The following TMEM132E variants were observed in gnomAD, a reference collection of about 807,000 sequenced individuals.
TMEM132E encodes the protein transmembrane protein 132E.
Under a neutral mutation model 78.5 loss-of-function variants are expected in TMEM132E, and 49 were observed. The ratio of observed to expected loss-of-function variants is 0.62; its 90% CI spans 0.50 to 0.79. TMEM132E has a LOEUF of 0.79. TMEM132E is among the 30% of genes least tolerant of loss of function. The pLI is 0.00. For synonymous variants in TMEM132E, 715 were observed against 670.6 expected, an observed-to-expected ratio of 1.07 and a Z score of -1.02; for missense variants, 1,403 against 1,470.9, an observed-to-expected ratio of 0.95 and a Z score of 0.75.
At chr17:34,582,024 G>C (rs1905504306) in intron 1 of TMEM132E, among the ~76,000 whole-genome samples, 2 of 152,112 alleles carry the variant, frequency 1.3e-5, no homozygotes, top group African/African-American at 4.8e-5. Flanking sequence ...TCCAGGAGGC[G>C]AGGGGAGCAG....
rs1029806672 is a variant in TMEM132E, at chr17:34,639,104, C to G, written c.*872C>G. On this transcript the variant is annotated 3_prime_UTR_variant, in exon 9 of 9. Transcript: ENST00000631683. Reference sequence around the variant, plus strand: ...ACAGGGCAGGCAGCCACCTATGCCCCACAAGACGGAACCCGGGAGGGGAGT... The same window carrying G: ...ACAGGGCAGGCAGCCACCTATGCCCGACAAGACGGAACCCGGGAGGGGAGT... 1 of 152,680 alleles carries G rather than the reference C, an allele frequency of 6.5e-6. No individual in the cohort carries two copies. The highest frequency in any genetic ancestry group is 1.5e-5 in the Non-Finnish European group (1 of 68,136). The allele number at this position is 152,680 out of a possible 1,614,324, so 9.5% of individuals were successfully genotyped here. A position where few individuals can be genotyped will look rare whatever the true frequency, so the allele number is the denominator to read the frequency against.
chr17:34,623,552 C>G (rs985940813), intron 1 of TMEM132E, among the ~76,000 whole-genome samples: 11 of 152,226 alleles, frequency 7.2e-5, no homozygotes, highest in Non-Finnish European at 1.5e-4. Flanking sequence ...ATACATGCAG[C>G]AGTGCCCCTG....
intron 1 of TMEM132E, among the ~76,000 whole-genome samples, chr17:34,608,249 G>A (rs767858713): frequency 6.6e-6 from 1 of 152,196 alleles, no homozygotes; most frequent in East Asian, 1.9e-4. Flanking sequence ...CAGGAACAGG[G>A]ATGAAAACCA....
At chr17:34,613,217 G>GCGCGCGCGCC (rs1906666362) in intron 1 of TMEM132E, among the ~76,000 whole-genome samples, 2 of 136,894 alleles carry the variant, frequency 1.5e-5, no homozygotes, top group African/African-American at 5.1e-5. Flanking sequence ...ACACACGCGC[G>GCGCGCGCGCC]CGCGCGCGCG....
intron 7 of TMEM132E, 119 bp from the exon 8 acceptor site, chr17:34,635,888 C>A (rs962438646): frequency 1.3e-5 from 14 of 1,054,198 alleles, no homozygotes; most frequent in Non-Finnish European, 1.8e-5. Flanking sequence ...TGCCTCCCAG[C>A]CTGCCTCACC....
intron 1 of TMEM132E, among the ~76,000 whole-genome samples, chr17:34,604,120 C>T (rs1906331241): frequency 6.6e-6 from 1 of 152,202 alleles, no homozygotes; most frequent in African/African-American, 2.4e-5. Flanking sequence ...AACAACAGTA[C>T]TTGTACTGTC....
chr17:34,626,502 T>C lies in TMEM132E; in HGVS notation c.443T>C (p.Val148Ala). The C allele has an allele frequency of 6.2e-7, 1 of 1,610,628 alleles. No individual in the cohort carries two copies. The highest frequency in any genetic ancestry group is 8.5e-7 in the Non-Finnish European group (1 of 1,179,534). The change falls in exon 2 of 9, where the codon GTA becomes GCA. Residue 148 changes from valine to alanine, a missense_variant. Coordinates refer to ENST00000631683, the MANE Select transcript of TMEM132E (RefSeq NM_001304438.2). ...SQPVVQVLFY[V>A]AGRDWDDFGV... Reference sequence around the variant, plus strand: ...CCCGTGGTCCAGGTGCTGTTCTACGTAGCCGGCCGGGACTGGGACGACTTC... The same window carrying C: ...CCCGTGGTCCAGGTGCTGTTCTACGCAGCCGGCCGGGACTGGGACGACTTC...
At chr17:34,605,595 GC>G (rs1906385559) in intron 1 of TMEM132E, among the ~76,000 whole-genome samples, 1 of 152,158 alleles carries the variant, frequency 6.6e-6, no homozygotes, top group African/African-American at 2.4e-5. Context: ...ATCCTTCAAA[GC>G]CCCCCACCAT....
chr17:34,608,088 G>A (rs1906474207), intron 1 of TMEM132E, among the ~76,000 whole-genome samples: 1 of 152,166 alleles, frequency 6.6e-6, no homozygotes, highest in African/African-American at 2.4e-5. Context: ...CTAATCACAA[G>A]CTGGTTCCCC....
chr17:34,608,369 G>A (rs1288254843), intron 1 of TMEM132E, among the ~76,000 whole-genome samples: 1 of 152,204 alleles, frequency 6.6e-6, no homozygotes, highest in Non-Finnish European at 1.5e-5. Flanking sequence ...ATCTACTAGC[G>A]ATGATCTTGC....
In TMEM132E at chr17:34,637,716, C is replaced by G; in HGVS notation, c.2709C>G (p.Leu903=). 4.3e-6 allele frequency: 7 copies of G among 1,613,296 alleles called. No homozygotes were observed. The highest frequency in any genetic ancestry group is 5.1e-6 in the Non-Finnish European group (6 of 1,179,980). The change falls in exon 9 of 9, where the codon CTC becomes CTG. Residue 903 remains leucine (L), a synonymous_variant. Coordinates refer to ENST00000631683, the MANE Select transcript of TMEM132E (RefSeq NM_001304438.2). ...ALLGVFCLAI[L]VFLINCIVFV... ...TGGGCGTCTTCTGCCTCGCCATCCT[C>G]GTCTTCCTCATCAACTGCATCGTTT...
At chr17:34,590,754 T>A (rs1905841772) in intron 1 of TMEM132E, among the ~76,000 whole-genome samples, 2 of 152,180 alleles carry the variant, frequency 1.3e-5, no homozygotes, top group Admixed American at 6.5e-5. Context: ...TTTAAAGACT[T>A]TGGCCCAATG....
chr17:34,599,468 T>C (rs542712820), intron 1 of TMEM132E, among the ~76,000 whole-genome samples: 6 of 152,174 alleles, frequency 3.9e-5, no homozygotes, highest in Non-Finnish European at 8.8e-5. Flanking sequence ...ACTTGCAAAC[T>C]GAATGGCTGA....
chr17:34,600,711 C>G (rs1004333), intron 1 of TMEM132E, among the ~76,000 whole-genome samples: 3,480 of 152,012 alleles, frequency 0.023, 117 homozygotes, highest in African/African-American at 0.07. Context: ...AGTGCGGCCC[C>G]GGCAGAACTG....
At chr17:34,599,043 C>T (rs78145014) in intron 1 of TMEM132E, among the ~76,000 whole-genome samples, 1,625 of 152,328 alleles carry the variant, frequency 0.011, 35 homozygotes, top group African/African-American at 0.037. Flanking sequence ...ATGAAAATAA[C>T]TAGCACTGTT....
chr17:34,611,931 T>C (rs1214203947), intron 1 of TMEM132E, among the ~76,000 whole-genome samples: 2 of 152,098 alleles, frequency 1.3e-5, no homozygotes, highest in Non-Finnish European at 2.9e-5. Flanking sequence ...GAGGTTAGCC[T>C]CATTCTGAGG....
chr17:34,623,171 G>A (rs551864183), intron 1 of TMEM132E, among the ~76,000 whole-genome samples: 4 of 152,168 alleles, frequency 2.6e-5, no homozygotes, highest in East Asian at 1.9e-4. Context: ...TCCCCCAGGG[G>A]GGGTGAGGGG....
At chr17:34,627,479 T>TGCGCGCACGCGCGCGC (rs1567720045) in intron 2 of TMEM132E, among the ~76,000 whole-genome samples, 14 of 143,270 alleles carry the variant, frequency 9.8e-5, no homozygotes, top group African/African-American at 4.1e-4. Flanking sequence ...TGTGTGTGTG[T>TGCGCGCACGCGCGCGC]GTGTGTGTGT....
At chr17:34,605,166 C>T (rs997336491) in intron 1 of TMEM132E, among the ~76,000 whole-genome samples, 4 of 152,138 alleles carry the variant, frequency 2.6e-5, no homozygotes, top group Non-Finnish European at 5.9e-5. Context: ...TCAGCCATGA[C>T]GTCCTAAGTG....
Sources: gnomAD v4.1 joint callset for allele counts (sites outside exome capture counted in the v4.1 genomes callset) on GRCh38, gnomAD v4.1.1 for gene constraint, MANE v1.5 for transcripts, NCBI Gene and HGNC (gene_info 2026-07-23, HGNC 2026-07-21) for gene names.